AGO2: variants seen among roughly 807,000 people sequenced by gnomAD.
AGO2 encodes the protein protein argonaute-2.
Under a neutral mutation model 102.3 loss-of-function variants are expected in AGO2, and 5 were observed. That is an observed-to-expected ratio of 0.05 (90% CI 0.03 to 0.10). The LOEUF is 0.10. AGO2 is among the 10% of genes least tolerant of loss of function. AGO2 has a pLI of 1.00. For synonymous variants in AGO2, 449 were observed against 473.1 expected (o/e 0.95, Z 0.66); for missense variants, 541 against 1,183.7 (o/e 0.46, Z 7.97).
In AGO2 at chr8:140,547,434, G is replaced by C. The variant is rs757957243; in HGVS notation, c.1748+34C>G. 4.4e-6 allele frequency: 7 copies of C among 1,605,876 alleles called. No homozygotes were observed. The Admixed American group carries it at 1.0e-4, about 23-fold the overall frequency. ...CTGCCAAGCGTCCCACTGTGCCCTG[G>C]TCCGCAGGCGGAGGTAAAGGGGCCG... On this transcript the variant is annotated intron_variant, in intron 13 of 18. Coordinates refer to ENST00000220592, the MANE Select transcript of AGO2 (RefSeq NM_012154.5).
At chr8:140,541,046 C>T in intron 15 of AGO2, 118 bp downstream of exon 15, 1 of 1,243,508 alleles carries the variant, frequency 8.0e-7, no homozygotes, top group Non-Finnish European at 1.1e-6. Flanking sequence ...ACCAGATCAG[C>T]CTTGGGGCCG....
chr8:140,536,569 C>T (rs181329268), intron 16 of AGO2, among the ~76,000 whole-genome samples: 48 of 152,312 alleles, frequency 3.2e-4, no homozygotes, highest in African/African-American at 1.1e-3. Context: ...TCATGATCTG[C>T]CTGCCTCGGC....
intron 1 of AGO2, among the ~76,000 whole-genome samples, chr8:140,604,462 A>ATGGGTGGATCATGAGG (rs1265153449): frequency 6.6e-6 from 1 of 151,484 alleles, no homozygotes; most frequent in Non-Finnish European, 1.5e-5. Flanking sequence ...GGAGGCAGAG[A>ATGGGTGGATCATGAGG]TGGGTGGATC....
chr8:140,631,528 C>G (rs1367649208), intron 1 of AGO2, among the ~76,000 whole-genome samples: 1 of 148,870 alleles, frequency 6.7e-6, no homozygotes, highest in Non-Finnish European at 1.5e-5. Flanking sequence ...CAGAGCGAGA[C>G]TCCGTCTCAA....
chr8:140,602,261 C>T (rs1171164837), intron 1 of AGO2, among the ~76,000 whole-genome samples: 2 of 152,128 alleles, frequency 1.3e-5, no homozygotes, highest in African/African-American at 2.4e-5. Context: ...GTGACATTTT[C>T]CTACTGCATA....
chr8:140,536,527 A>G (rs1218715219), intron 16 of AGO2, among the ~76,000 whole-genome samples: 1 of 151,844 alleles, frequency 6.6e-6, no homozygotes, highest in Non-Finnish European at 1.5e-5. Context: ...GGGTTTCACT[A>G]TGTTGGTCAG....
the AGO2 span, among the ~76,000 whole-genome samples, chr8:140,641,588 A>T: frequency 6.6e-6 from 1 of 152,102 alleles, no homozygotes; most frequent in Non-Finnish European, 1.5e-5. Flanking sequence ...AAAAATAAAA[A>T]TTTATTTATT....
At chr8:140,579,551 T>C (rs2073520287) in intron 2 of AGO2, among the ~76,000 whole-genome samples, 2 of 152,280 alleles carry the variant, frequency 1.3e-5, no homozygotes, top group South Asian at 4.1e-4. Flanking sequence ...GTTTCTGAGC[T>C]TGGAGGTCAG....
At chr8:140,611,861 C>A (rs2152101797) in intron 1 of AGO2, among the ~76,000 whole-genome samples, 1 of 152,290 alleles carries the variant, frequency 6.6e-6, no homozygotes. Flanking sequence ...CAAGCTTTAA[C>A]ATAAAAATTA....
At position 140,571,582 on chromosome 8, in the gene AGO2, C is replaced by A. The variant is rs151290424; in HGVS notation, c.336+1230G>T. ...CTCCCACTAAAACAGACATCCCTGA[C>A]AGCAACTTGAGACCCTTTGCATACG... On this transcript the variant is annotated intron_variant, in intron 3 of 18. Transcript: ENST00000220592. Among the ~76,000 whole-genome samples, 891 of 152,322 alleles carry A rather than the reference C, an allele frequency of 5.8e-3. 9 individuals are homozygous for A. The highest frequency in any genetic ancestry group is 7.3e-3 in the Non-Finnish European group (499 of 68,032).
At chr8:140,552,431 C>A (rs2073014352) in intron 10 of AGO2, among the ~76,000 whole-genome samples, 1 of 152,184 alleles carries the variant, frequency 6.6e-6, no homozygotes, top group Non-Finnish European at 1.5e-5. Flanking sequence ...ACAGGCACTC[C>A]TAGGCCTGGG....
At chr8:140,583,776 G>A (rs939189229) in intron 2 of AGO2, among the ~76,000 whole-genome samples, 1 of 152,198 alleles carries the variant, frequency 6.6e-6, no homozygotes, top group Non-Finnish European at 1.5e-5. Context: ...TTGGGAGGAT[G>A]AGGCAGGAGA....
intron 1 of AGO2, among the ~76,000 whole-genome samples, chr8:140,595,848 ATATTTATATTATATACAATTGTATAT>A (rs1564106895): frequency 3.6e-5 from 4 of 110,552 alleles, no homozygotes; most frequent in Admixed American, 1.2e-4. Flanking sequence ...TGTATATATT[ATATTTATATTATATACAATTGTATAT>A]TATATAATAT....
At chr8:140,617,402 C>T (rs1419263044) in intron 1 of AGO2, among the ~76,000 whole-genome samples, 1 of 152,182 alleles carries the variant, frequency 6.6e-6, no homozygotes, top group African/African-American at 2.4e-5. Flanking sequence ...CAGGCAACTG[C>T]CACCATGCCC....
At chr8:140,625,678 G>A (rs548203552) in intron 1 of AGO2, among the ~76,000 whole-genome samples, 2 of 152,080 alleles carry the variant, frequency 1.3e-5, no homozygotes, top group East Asian at 1.9e-4. Flanking sequence ...AGTTCCCGCC[G>A]ACTCTACCAT....
intron 1 of AGO2, among the ~76,000 whole-genome samples, chr8:140,620,054 A>G (rs1214788911): frequency 6.6e-6 from 1 of 152,138 alleles, no homozygotes; most frequent in Admixed American, 6.5e-5. Flanking sequence ...AGGATCCCAG[A>G]GCATCTTGCA....
chr8:140,521,186 T>C lies in AGO2; in HGVS notation c.*10858A>G, dbSNP rs756546869. ...AACACAATGCGTCCTGGGGAGCCAA[T>C]TGCCCGGCACGTCTTATTACTGAGA... On this transcript the variant is annotated 3_prime_UTR_variant, in exon 19 of 19. Coordinates refer to ENST00000220592, the MANE Select transcript of AGO2 (RefSeq NM_012154.5). The C allele has an allele frequency of 6.6e-6, 1 of 152,202 alleles. No homozygotes were observed. Among genetic ancestry groups the C allele is most frequent in the African/African-American group, 2.4e-5 (1 of 41,468 alleles). 9.4% of individuals were successfully genotyped at this position (152,202 alleles called of 1,614,324 possible). A position where few individuals can be genotyped will look rare whatever the true frequency, so the allele number is the denominator to read the frequency against.
chr8:140,539,571 AGT>A lies in AGO2; in HGVS notation c.2035-119_2035-118del. 7.8e-7 allele frequency: 1 copy of A among 1,274,608 alleles called. No individual in the cohort carries two copies. Among genetic ancestry groups the A allele is most frequent in the East Asian group, 2.4e-5 (1 of 41,320 alleles). 79.0% of individuals were successfully genotyped at this position (1,274,608 alleles called of 1,614,324 possible). The stretch of plus-strand genomic sequence containing the variant: ...GCCGTGGTGATTCTGAGAGACAATG[AGT>A]GTGTTCACGGGGAGGTGAAAACACG... On this transcript the variant is annotated intron_variant, in intron 15 of 18. Coordinates refer to ENST00000220592, the MANE Select transcript of AGO2 (RefSeq NM_012154.5). The surrounding 1 kb of genome is among the most constrained non-coding windows in gnomAD (Gnocchi z 4.7).
intron 1 of AGO2, among the ~76,000 whole-genome samples, chr8:140,629,678 C>A (rs956389036): frequency 6.6e-6 from 1 of 151,724 alleles, no homozygotes; most frequent in Non-Finnish European, 1.5e-5. Flanking sequence ...CGTCTCTCCA[C>A]AAACTTAGCT....
Sources: allele counts gnomAD v4.1 joint callset (sites outside exome capture counted in the v4.1 genomes callset), GRCh38; gene constraint gnomAD v4.1.1; non-coding constraint Gnocchi (gnomAD v3.1); transcripts MANE v1.5; gene names NCBI Gene and HGNC (gene_info 2026-07-23, HGNC 2026-07-21).